Variants in TCF12 observed in about 807,000 individuals in gnomAD.
TCF12 encodes DNA-binding protein HTF4.
TCF12 carries 45 observed loss-of-function variants against 86.0 expected under a neutral mutation model. The ratio of observed to expected loss-of-function variants is 0.52; its 90% CI spans 0.41 to 0.67. TCF12 has a LOEUF of 0.67. TCF12 is among the 30% of genes least tolerant of loss of function. TCF12 has a pLI of 0.00. For missense variants in TCF12, 881 were observed against 859.9 expected, an observed-to-expected ratio of 1.02 and a Z score of -0.31; for synonymous variants, 330 against 299.6, an observed-to-expected ratio of 1.10 and a Z score of -1.05.
At chr15:57,126,969 C>CT (rs1386437548) in intron 5 of TCF12, among the ~76,000 whole-genome samples, 1 of 144,300 alleles carries the variant, frequency 6.9e-6, no homozygotes, top group South Asian at 2.2e-4. Context: ...TTCACTTGTA[C>CT]TTTTTTTTTC....
At chr15:57,257,949 A>G (rs2060425679) in intron 16 of TCF12, among the ~76,000 whole-genome samples, 1 of 152,180 alleles carries the variant, frequency 6.6e-6, no homozygotes, top group African/African-American at 2.4e-5. Flanking sequence ...CTAAACTTTT[A>G]GAATAAACTG....
intron 3 of TCF12, among the ~76,000 whole-genome samples, chr15:56,926,512 T>C (rs1249596701): frequency 6.6e-6 from 1 of 152,098 alleles, no homozygotes; most frequent in Admixed American, 6.5e-5. Flanking sequence ...TGACTTGTGA[T>C]GGAGATATGG....
intron 19 of TCF12, among the ~76,000 whole-genome samples, chr15:57,280,075 A>C (rs1358465019): frequency 6.6e-6 from 1 of 151,910 alleles, no homozygotes; most frequent in Non-Finnish European, 1.5e-5. Context: ...TTGTATTTTT[A>C]GTAGAGATCG....
intron 16 of TCF12, among the ~76,000 whole-genome samples, chr15:57,261,765 T>TATATAGGATTATTAATAGACCG (rs6145574): frequency 6.6e-6 from 1 of 151,760 alleles, no homozygotes; most frequent in African/African-American, 2.4e-5. Context: ...TCAGATTGAT[T>TATATAGGATTATTAATAGACCG]TATAATACGT....
intron 8 of TCF12, among the ~76,000 whole-genome samples, chr15:57,207,332 C>A (rs116456057): frequency 0.012 from 1,758 of 152,022 alleles, 34 homozygotes; most frequent in African/African-American, 0.04. Flanking sequence ...TTATATGGTT[C>A]TTAGTTTCCT....
chr15:56,990,570 A>T (rs917760921), intron 3 of TCF12, among the ~76,000 whole-genome samples: 8 of 152,098 alleles, frequency 5.3e-5, no homozygotes, highest in Admixed American at 6.5e-5. Flanking sequence ...TTAAAAAAAT[A>T]TTGGATCTAC....
chr15:57,052,634 CTCAAAAAAAA>C (rs1313210492), intron 3 of TCF12, among the ~76,000 whole-genome samples: 7 of 86,122 alleles, frequency 8.1e-5, no homozygotes, highest in Non-Finnish European at 1.8e-4. Flanking sequence ...GAGACTCCAT[CTCAAAAAAAA>C]AAAAAAAACC....
At chr15:57,205,931 A>T (rs1222181072) in intron 8 of TCF12, among the ~76,000 whole-genome samples, 1 of 152,206 alleles carries the variant, frequency 6.6e-6, no homozygotes, top group Non-Finnish European at 1.5e-5. Flanking sequence ...GTATACAGTG[A>T]TACTTGTTAT....
At chr15:57,043,529 T>G (rs2067030929) in intron 3 of TCF12, among the ~76,000 whole-genome samples, 1 of 152,176 alleles carries the variant, frequency 6.6e-6, no homozygotes, top group Non-Finnish European at 1.5e-5. Context: ...TGGTTTTGAT[T>G]TGCATTTCCC....
chr15:56,930,304 G>C (rs1306216646), intron 3 of TCF12, among the ~76,000 whole-genome samples: 1 of 152,142 alleles, frequency 6.6e-6, no homozygotes, highest in African/African-American at 2.4e-5. Context: ...AAAATGCTAG[G>C]CTCACTTTAA....
intron 3 of TCF12, among the ~76,000 whole-genome samples, chr15:57,006,490 A>C (rs967787504): frequency 6.6e-6 from 1 of 152,020 alleles, no homozygotes; most frequent in African/African-American, 2.4e-5. Flanking sequence ...TTTTTAATAG[A>C]GATGGGGTTT....
At chr15:57,205,480 A>G (rs1597304575) in intron 8 of TCF12, among the ~76,000 whole-genome samples, 1 of 152,198 alleles carries the variant, frequency 6.6e-6, no homozygotes, top group Non-Finnish European at 1.5e-5. Context: ...TCCTTGGGCA[A>G]ACAGCATAGA....
intron 5 of TCF12, among the ~76,000 whole-genome samples, chr15:57,105,466 A>G (rs2050077730): frequency 6.6e-6 from 1 of 152,036 alleles, no homozygotes; most frequent in African/African-American, 2.4e-5. Flanking sequence ...GCTAGACTGC[A>G]GTGGTGTGCA....
chr15:56,990,232 T>A (rs2063380199), intron 3 of TCF12, among the ~76,000 whole-genome samples: 1 of 146,836 alleles, frequency 6.8e-6, no homozygotes, highest in Non-Finnish European at 1.5e-5. Flanking sequence ...CTTTATCGTG[T>A]GTGTGTGTCT....
At chr15:57,013,460 G>A (rs866333808) in intron 3 of TCF12, among the ~76,000 whole-genome samples, 7 of 152,162 alleles carry the variant, frequency 4.6e-5, no homozygotes, top group South Asian at 2.1e-4. Context: ...ATAAGTGTGC[G>A]CCACCATGCA....
chr15:57,094,997 G>T (rs190878154), intron 5 of TCF12, among the ~76,000 whole-genome samples: 4 of 152,310 alleles, frequency 2.6e-5, no homozygotes, highest in Non-Finnish European at 5.9e-5. Context: ...ATTTGCAACA[G>T]AAAGTGTGTT....
At chr15:57,260,547 C>T (rs371286351) in intron 16 of TCF12, among the ~76,000 whole-genome samples, 4 of 151,976 alleles carry the variant, frequency 2.6e-5, no homozygotes, top group Admixed American at 2.6e-4. Context: ...GTATATATTG[C>T]CAGGGGTCAT....
In TCF12 at chr15:57,071,027, C is replaced by T. The variant is rs532763239; in HGVS notation, c.222+7204C>T. Among the ~76,000 whole-genome samples, 283 of 152,194 alleles carry T rather than the reference C, an allele frequency of 1.9e-3. 1 individual carries two copies. The highest frequency in any genetic ancestry group is 6.6e-3 in the African/African-American group (273 of 41,526). On this transcript the variant is annotated intron_variant, in intron 4 of 20. Coordinates refer to ENST00000333725, the MANE Select transcript of TCF12 (RefSeq NM_207037.2). ...AGATGTTGAGATTTGTAAATGCATT[C>T]AGTTTCTTAAATGTTAAAGGTGAAT...
At chr15:57,162,226 T>C (rs2054554400) in intron 5 of TCF12, among the ~76,000 whole-genome samples, 1 of 142,530 alleles carries the variant, frequency 7.0e-6, no homozygotes, top group Non-Finnish European at 1.5e-5. Context: ...TTCATTTATG[T>C]ATATTTATGT....
Sources: gnomAD v4.1 joint callset for allele counts (sites outside exome capture counted in the v4.1 genomes callset) on GRCh38, gnomAD v4.1.1 for gene constraint, MANE v1.5 for transcripts, NCBI Gene and HGNC (gene_info 2026-07-23, HGNC 2026-07-21) for gene names.